Variants in PCDH15 observed in about 807,000 individuals in gnomAD.
PCDH15 encodes the protein protocadherin-15.
In PCDH15, 129 loss-of-function variants were observed where a neutral mutation model predicts 178.5. The observed-to-expected ratio is 0.72, with a 90% CI of 0.63 to 0.84. PCDH15 has a LOEUF of 0.84. Among genes scored for constraint, PCDH15 ranks in the 40% least tolerant of loss-of-function variants. PCDH15 has a pLI of 0.00. For synonymous variants in PCDH15, 800 were observed against 732.0 expected (o/e 1.09, Z -1.50); for missense variants, 2,230 against 2,099.9 (o/e 1.06, Z -1.21).
In PCDH15 at chr10:53,961,774, T is replaced by C. The variant is rs1223956690; in HGVS notation, c.2987A>G (p.Glu996Gly). The C allele has an allele frequency of 1.9e-6, 3 of 1,608,066 alleles. No individual in the cohort carries two copies. The South Asian group carries it at 3.3e-5, about 18-fold the overall frequency. Residue 996 changes from glutamate to glycine, a missense_variant, in exon 22 of 38, where the codon GAA becomes GGA. By Grantham distance (98) the Glu-to-Gly change is moderately conservative (BLOSUM62 -2). Coordinates refer to ENST00000644397, the MANE Select transcript of PCDH15 (RefSeq NM_001384140.1). ...GACCTTAAAAATTGTTGTAGGTTCTTCATTAAGATTGACTCGTGTTATTAC... is the reference window on the plus strand; with the variant it reads ...GACCTTAAAAATTGTTGTAGGTTCTCCATTAAGATTGACTCGTGTTATTAC... ...GRVITRVNLNEEPTTIFKLVV... is the reference protein window; with the variant it reads ...GRVITRVNLNGEPTTIFKLVV...
chr10:55,070,690 T>C (rs1051482672), intron 2 of PCDH15, among the ~76,000 whole-genome samples: 59 of 152,200 alleles, frequency 3.9e-4, no homozygotes, highest in Admixed American at 1.9e-3. Flanking sequence ...CCTTGTAGTA[T>C]AGTTTGAAGT....
At chr10:55,295,746 G>A (rs1326762661) in intron 1 of PCDH15, among the ~76,000 whole-genome samples, 1 of 151,914 alleles carries the variant, frequency 6.6e-6, no homozygotes, top group Non-Finnish European at 1.5e-5. Context: ...CAAATGTGTG[G>A]GATATTTTTT....
intron 1 of PCDH15, among the ~76,000 whole-genome samples, chr10:54,780,123 A>G (rs959479168): frequency 6.6e-6 from 1 of 152,172 alleles, no homozygotes; most frequent in African/African-American, 2.4e-5. Context: ...GCTGTCATTC[A>G]TGTAAGATAA....
rs1843025425 is a variant in PCDH15, at chr10:55,599,637, A to G, written c.-156+27988T>C. On this transcript the variant is annotated intron_variant, in intron 2 of 5. Transcript: ENST00000613346. ...CATCAGACCAGAATAATCCACTGAC[A>G]GTTAACAACCTAATATTAACAAATG... 3 of 235,970 alleles carry G rather than the reference A, an allele frequency of 1.3e-5. 1 individual carries two copies. Among genetic ancestry groups the G allele is most frequent in the Non-Finnish European group, 2.4e-5 (3 of 122,496 alleles). 14.6% of individuals were successfully genotyped at this position (235,970 alleles called of 1,614,324 possible).
rs1842630792 is a variant in PCDH15, at chr10:55,277,738, A to G, written c.-156+41861T>C. Among the ~76,000 whole-genome samples, 3 of 152,050 alleles carry G rather than the reference A, an allele frequency of 2.0e-5. No homozygotes were observed. In the South Asian group the frequency reaches 6.2e-4, roughly 32 times the overall value. ...TTCACTCTACTCAATATGTGCCTATAAGCAACAGCTCTATTATGCTGCTAC... is the reference window on the plus strand; with the variant it reads ...TTCACTCTACTCAATATGTGCCTATGAGCAACAGCTCTATTATGCTGCTAC... On this transcript the variant is annotated intron_variant, in intron 1 of 5. Transcript: ENST00000458638.
At chr10:55,016,096 TTTA>T (rs1840169400) in intron 2 of PCDH15, among the ~76,000 whole-genome samples, 2 of 71,332 alleles carry the variant, frequency 2.8e-5, no homozygotes, top group African/African-American at 1.3e-4. Flanking sequence ...ACCTTTTTTT[TTTA>T]AAAAAAAAAA....
At chr10:55,598,763 T>C (rs1295726133) in intron 2 of PCDH15, among the ~76,000 whole-genome samples, 1 of 151,834 alleles carries the variant, frequency 6.6e-6, no homozygotes, top group Non-Finnish European at 1.5e-5. Context: ...CGTCACCCTC[T>C]TCAAGTAGTG....
intron 2 of PCDH15, among the ~76,000 whole-genome samples, chr10:55,567,637 T>C (rs891611629): frequency 6.6e-6 from 1 of 151,956 alleles, no homozygotes; most frequent in African/African-American, 2.4e-5. Flanking sequence ...AATACTTGAA[T>C]AGACATTTAT....
chr10:54,773,053 G>A (rs1304813752), intron 1 of PCDH15, among the ~76,000 whole-genome samples: 1 of 151,420 alleles, frequency 6.6e-6, no homozygotes, highest in Non-Finnish European at 1.5e-5. Context: ...TGAATTATGA[G>A]AACACACGGA....
At chr10:54,666,682 T>A (rs1160836595) in intron 1 of PCDH15, among the ~76,000 whole-genome samples, 1 of 151,998 alleles carries the variant, frequency 6.6e-6, no homozygotes, top group Non-Finnish European at 1.5e-5. Flanking sequence ...AGAAAGGATA[T>A]ATATTGGAAA....
chr10:55,523,897 T>C (rs760946596), intron 2 of PCDH15, among the ~76,000 whole-genome samples: 25 of 151,652 alleles, frequency 1.6e-4, no homozygotes, highest in Admixed American at 3.3e-4. Flanking sequence ...ACAAATAAAA[T>C]TTAAACCTGG....
intron 2 of PCDH15, among the ~76,000 whole-genome samples, chr10:54,617,094 A>T (rs2093186641): frequency 6.6e-6 from 1 of 151,664 alleles, no homozygotes; most frequent in Admixed American, 6.6e-5. Context: ...ACTGGATTTC[A>T]CCATGTTGGC....
At chr10:54,271,863 C>G (rs2058066269) in intron 8 of PCDH15, among the ~76,000 whole-genome samples, 1 of 151,270 alleles carries the variant, frequency 6.6e-6, no homozygotes, top group Non-Finnish European at 1.5e-5. Flanking sequence ...TGTAGGGGTA[C>G]AGATCAGTAT....
At chr10:54,395,217 C>T (rs1240650564) in intron 3 of PCDH15, among the ~76,000 whole-genome samples, 4 of 152,166 alleles carry the variant, frequency 2.6e-5, no homozygotes, top group Admixed American at 2.6e-4. Flanking sequence ...TGTTTAGAGA[C>T]TGCAGTAAAG....
chr10:54,619,509 T>C (rs11004414), intron 2 of PCDH15, among the ~76,000 whole-genome samples: 30,431 of 151,912 alleles, frequency 0.2, 3,465 homozygotes, highest in South Asian at 0.26. Flanking sequence ...CTCAGTTTTC[T>C]TTTTGTGCGT....
At chr10:55,624,607 AC>A (rs1437947728) in intron 2 of PCDH15, among the ~76,000 whole-genome samples, 1 of 152,178 alleles carries the variant, frequency 6.6e-6, no homozygotes, top group Non-Finnish European at 1.5e-5. Flanking sequence ...GCTTATGATG[AC>A]AAAAACATGT....
chr10:54,417,887 G>A (rs2135753421), intron 3 of PCDH15, among the ~76,000 whole-genome samples: 1 of 152,208 alleles, frequency 6.6e-6, no homozygotes, highest in Non-Finnish European at 1.5e-5. Flanking sequence ...TGGTTCACAG[G>A]TACACATGCT....
rs1020531692 is a variant in PCDH15 at position 54,548,780 on chromosome 10, T to C, written c.92-20903A>G. 2.0e-5 allele frequency among the ~76,000 whole-genome samples: 3 copies of C among 151,254 alleles called. No individual in the cohort carries two copies. The East Asian group carries it at 5.8e-4, about 29-fold the overall frequency. ...TTTTTGGTGACAACATTTTCCTGTG[T>C]CTTTGAAGGCTGAAGAACATTGTAA... On this transcript the variant is annotated intron_variant, in intron 2 of 37. Coordinates refer to ENST00000644397, the MANE Select transcript of PCDH15 (RefSeq NM_001384140.1).
intron 2 of PCDH15, among the ~76,000 whole-genome samples, chr10:55,512,254 T>C (rs1840901512): frequency 1.3e-5 from 2 of 152,118 alleles, no homozygotes; most frequent in Non-Finnish European, 2.9e-5. Context: ...GGCTACTTTA[T>C]TTCCATATTT....
Sources: gnomAD v4.1 joint callset for allele counts (sites outside exome capture counted in the v4.1 genomes callset) on GRCh38, gnomAD v4.1.1 for gene constraint, MANE v1.5 for transcripts, NCBI Gene and HGNC (gene_info 2026-07-23, HGNC 2026-07-21) for gene names.